ITCH: variants seen among roughly 807,000 people sequenced by gnomAD.
The protein encoded by ITCH is itchy E3 ubiquitin protein ligase.
A neutral mutation model predicts 126.8 loss-of-function variants in ITCH; 28 were observed. That is an observed-to-expected ratio of 0.22 (90% CI 0.16 to 0.30). The LOEUF is 0.30. ITCH is among the 10% of genes least tolerant of loss of function. The pLI is 1.00. For missense variants in ITCH, 631 were observed against 1,032.4 expected (o/e 0.61, Z 5.33); for synonymous variants, 342 against 340.0 (o/e 1.01, Z -0.06).
At chr20:34,448,497 GAA>G (rs113624416) in intron 11 of ITCH, among the ~76,000 whole-genome samples, 331 of 152,236 alleles carry the variant, frequency 2.2e-3, no homozygotes, top group African/African-American at 6.2e-3. Context: ...AAGAACAGGA[GAA>G]AAGAGATAAA....
chr20:34,390,441 ATCT>A (rs1305832771), intron 2 of ITCH, among the ~76,000 whole-genome samples: 1 of 140,846 alleles, frequency 7.1e-6, no homozygotes, highest in Non-Finnish European at 1.5e-5. Flanking sequence ...GACAAGAATA[ATCT>A]TTTTTTTTTT....
At chr20:34,452,955 T>G (rs1568957771) in intron 12 of ITCH, among the ~76,000 whole-genome samples, 1 of 152,262 alleles carries the variant, frequency 6.6e-6, no homozygotes, top group African/African-American at 2.4e-5. Flanking sequence ...CAATCAAGTA[T>G]GAAGATATTC....
At chr20:34,414,273 A>T (rs1979489142) in intron 6 of ITCH, among the ~76,000 whole-genome samples, 1 of 152,088 alleles carries the variant, frequency 6.6e-6, no homozygotes. Flanking sequence ...TTGAAAAATT[A>T]GCCAAATAGA....
At chr20:34,413,486 A>G (rs966247388) in intron 5 of ITCH, among the ~76,000 whole-genome samples, 15 of 151,880 alleles carry the variant, frequency 9.9e-5, no homozygotes, top group African/African-American at 3.2e-4. Context: ...CAAGGATGGA[A>G]TGAACATAAT....
chr20:34,431,830 A>G (rs1298034012), intron 7 of ITCH, among the ~76,000 whole-genome samples: 3 of 152,174 alleles, frequency 2.0e-5, no homozygotes, highest in African/African-American at 4.8e-5. Flanking sequence ...ACTTGAGGTT[A>G]GGAGTTCAAG....
chr20:34,462,047 G>A (rs763790602), intron 13 of ITCH, 46 bp from the exon 14 acceptor site: 4 of 1,595,480 alleles, frequency 2.5e-6, no homozygotes, highest in African/African-American at 2.7e-5. Flanking sequence ...TGGCAAACAA[G>A]CAACTCTTTA....
chr20:34,399,731 C>T (rs2038803813), intron 3 of ITCH, among the ~76,000 whole-genome samples: 1 of 151,814 alleles, frequency 6.6e-6, no homozygotes, highest in South Asian at 2.1e-4. Context: ...ATCCCAGCTA[C>T]TCGGGAGGCT....
Position 34,369,381 on chromosome 20 carries a change from C to T in ITCH, c.-98-13C>T. On this transcript the variant is annotated splice_polypyrimidine_tract_variant and intron_variant, in intron 1 of 24. Coordinates refer to ENST00000374864, the MANE Select transcript of ITCH (RefSeq NM_031483.7). ...AGAAGTAATGTGTTAATGGACTCTC[C>T]TTCCTTTCTCAGGTACCATGCATTT... 1 of 398,996 alleles carries T rather than the reference C, an allele frequency of 2.5e-6. No homozygotes were observed. Among genetic ancestry groups the T allele is most frequent in the Admixed American group, 4.4e-5 (1 of 22,712 alleles). The allele number at this position is 398,996 out of a possible 1,614,324, so 24.7% of individuals were successfully genotyped here. A position where few individuals can be genotyped will look rare whatever the true frequency, so the allele number is the denominator to read the frequency against.
intron 14 of ITCH, among the ~76,000 whole-genome samples, chr20:34,463,256 G>A (rs1178430246): frequency 2.0e-5 from 3 of 152,132 alleles, no homozygotes; most frequent in South Asian, 2.1e-4. Flanking sequence ...CCGGCTACTC[G>A]GGAGTGTGAG....
chr20:34,500,369 A>G (rs1269314918), intron 23 of ITCH, among the ~76,000 whole-genome samples: 1 of 152,174 alleles, frequency 6.6e-6, no homozygotes, highest in Non-Finnish European at 1.5e-5. Flanking sequence ...TTGGGTGCAT[A>G]TATAACTCTC....
intron 12 of ITCH, chr20:34,454,315 T>C (rs376749462): frequency 6.6e-6 from 1 of 151,740 alleles, no homozygotes; most frequent in African/African-American, 2.4e-5. Flanking sequence ...TTTTTTGTAT[T>C]TTTAGTAGAG....
At chr20:34,391,945 T>A (rs1206190596) in intron 2 of ITCH, among the ~76,000 whole-genome samples, 1 of 152,246 alleles carries the variant, frequency 6.6e-6, no homozygotes, top group Non-Finnish European at 1.5e-5. Context: ...TAGGGCATTT[T>A]CTTGCAATAA....
chr20:34,446,271 A>C lies in ITCH; in HGVS notation c.1140+810A>C, dbSNP rs147731403. On this transcript the variant is annotated intron_variant, in intron 11 of 24. Transcript: ENST00000374864. Reference sequence around the variant, plus strand: ...TCAAGCCTTAAGGAGCTCAGGAGAAAATGCCCCCTCCATCACCATCTCTTC... The same window carrying C: ...TCAAGCCTTAAGGAGCTCAGGAGAACATGCCCCCTCCATCACCATCTCTTC... Among the ~76,000 whole-genome samples the C allele has an allele frequency of 2.8e-3, 419 of 152,236 alleles. 2 individuals are homozygous for C. Among genetic ancestry groups the C allele is most frequent in the Non-Finnish European group, 4.1e-3 (280 of 67,998 alleles).
intron 2 of ITCH, among the ~76,000 whole-genome samples, chr20:34,384,691 C>CG (rs2038207105): frequency 8.7e-6 from 1 of 114,434 alleles, no homozygotes; most frequent in Non-Finnish European, 1.8e-5. Flanking sequence ...GACGGAGTCT[C>CG]GCTCTGTCGC....
chr20:34,364,948 C>A (rs1483106645), intron 1 of ITCH, among the ~76,000 whole-genome samples: 1 of 150,834 alleles, frequency 6.6e-6, no homozygotes, highest in Non-Finnish European at 1.5e-5. Context: ...GCCTGTAATC[C>A]CAGCAATTTG....
At chr20:34,495,400 G>T (rs890146408) in intron 23 of ITCH, among the ~76,000 whole-genome samples, 12 of 151,320 alleles carry the variant, frequency 7.9e-5, no homozygotes, top group Middle Eastern at 3.4e-3. Flanking sequence ...TATTCTTCCT[G>T]CCGATCTGTA....
intron 9 of ITCH, chr20:34,441,591 A>ATTTTTT (rs55890829): frequency 0.013 from 1,807 of 137,656 alleles, 100 homozygotes; most frequent in African/African-American, 0.044. Context: ...TGCCCAGCTA[A>ATTTTTT]TTTTTTTTTT....
At chr20:34,469,222 A>AAC (rs34998924) in intron 14 of ITCH, among the ~76,000 whole-genome samples, 4,539 of 149,184 alleles carry the variant, frequency 0.03, 135 homozygotes, top group African/African-American at 0.081. Context: ...GCAAATTATA[A>AAC]ACACACACAC....
intron 18 of ITCH, 136 bp downstream of exon 18, chr20:34,479,925 G>GCAAGAC: frequency 1.3e-6 from 1 of 778,332 alleles, no homozygotes; most frequent in Non-Finnish European, 2.1e-6. Context: ...TTGAGACAGA[G>GCAAGAC]TCTTGCTCTG....
Sources: allele counts gnomAD v4.1 joint callset (sites outside exome capture counted in the v4.1 genomes callset), GRCh38; gene constraint gnomAD v4.1.1; transcripts MANE v1.5; gene names NCBI Gene and HGNC (gene_info 2026-07-23, HGNC 2026-07-21).